Variants in ABCA4 observed in about 807,000 individuals in gnomAD.
The protein encoded by ABCA4 is ATP binding cassette subfamily A member 4.
A neutral mutation model predicts 263.7 loss-of-function variants in ABCA4; 196 were observed. The observed-to-expected ratio is 0.74, with a 90% CI of 0.66 to 0.84. The LOEUF (loss-of-function observed/expected upper bound fraction) is 0.84. ABCA4 is among the 40% of genes least tolerant of loss of function. The pLI is 0.00. For synonymous variants in ABCA4, 1,133 were observed against 1,094.2 expected (o/e 1.04, Z -0.70); for missense variants, 2,792 against 2,855.1 (o/e 0.98, Z 0.50).
chr1:94,099,704 C>T (rs377340828), intron 5 of ABCA4, among the ~76,000 whole-genome samples: 1 of 152,188 alleles, frequency 6.6e-6, no homozygotes, highest in Non-Finnish European at 1.5e-5. Flanking sequence ...CTTTTTAGTA[C>T]AAATATGTCC....
At chr1:94,093,760 A>C (rs898361772) in intron 6 of ABCA4, among the ~76,000 whole-genome samples, 9 of 152,252 alleles carry the variant, frequency 5.9e-5, no homozygotes, top group African/African-American at 1.9e-4. Context: ...CTCAATGTGC[A>C]CGAAGGGGCC....
intron 30 of ABCA4, among the ~76,000 whole-genome samples, chr1:94,027,859 G>GGAAGGCAGCTCCTGCCTT (rs1660083512): frequency 6.6e-6 from 1 of 152,202 alleles, no homozygotes; most frequent in Non-Finnish European, 1.5e-5. Context: ...TCCGCTGCCT[G>GGAAGGCAGCTCCTGCCTT]GAAGGCAGCT....
chr1:94,084,015 A>G (rs937508004), intron 6 of ABCA4, among the ~76,000 whole-genome samples: 1 of 152,218 alleles, frequency 6.6e-6, no homozygotes, highest in Non-Finnish European at 1.5e-5. Flanking sequence ...AGATTCTCCA[A>G]TTGCCAGCAG....
At chr1:94,038,225 A>G (rs1466716294) in intron 24 of ABCA4, among the ~76,000 whole-genome samples, 2 of 152,200 alleles carry the variant, frequency 1.3e-5, no homozygotes, top group African/African-American at 2.4e-5. Flanking sequence ...TCAGGTATCA[A>G]CTGTTTATCT....
At chr1:94,083,853 C>G (rs988980792) in intron 6 of ABCA4, among the ~76,000 whole-genome samples, 5 of 152,206 alleles carry the variant, frequency 3.3e-5, no homozygotes, top group African/African-American at 1.2e-4. Context: ...GCAGTCTTCT[C>G]GTCATTGTTT....
At position 94,056,692 on chromosome 1, in the gene ABCA4, C is replaced by T. The variant is rs61749428; in HGVS notation, c.2291G>A (p.Cys764Tyr). Residue 764 changes from cysteine (C) to tyrosine (Y), a missense_variant, in exon 15 of 50, where the codon TGT becomes TAT. Physicochemically the swap from Cys to Tyr is radical, Grantham distance 194. Transcript: ENST00000370225. ...GAGGGTGAAATAGATGACACCACTA[C>T]AGGCTGCTGCCAGACTGGCCTTGGA... ...FFSKASLAAA[C>Y]SGVIYFTLYL... 1.9e-6 allele frequency: 3 copies of T among 1,614,072 alleles called. No individual in the cohort carries two copies. The highest frequency in any genetic ancestry group is 2.5e-6 in the Non-Finnish European group (3 of 1,180,060).
chr1:93,994,196 C>T (rs891320970), intron 49 of ABCA4, among the ~76,000 whole-genome samples: 1 of 152,160 alleles, frequency 6.6e-6, no homozygotes, highest in Admixed American at 6.5e-5. Context: ...TAATTATTAA[C>T]CTATTTAGGA....
chr1:94,109,188 A>T (rs548838295), intron 3 of ABCA4, among the ~76,000 whole-genome samples: 2 of 144,560 alleles, frequency 1.4e-5, no homozygotes, highest in African/African-American at 5.3e-5. Context: ...CATATAGGCT[A>T]ACTGACAAGG....
At position 94,011,339 on chromosome 1, in the gene ABCA4, A is replaced by C. The variant is rs749345027; in HGVS notation, c.5507T>G (p.Phe1836Cys). 9 of 1,613,998 alleles carry C rather than the reference A, an allele frequency of 5.6e-6. No individual in the cohort carries two copies. In the South Asian group the frequency reaches 8.8e-5, roughly 16 times the overall value. Residue 1836 changes from phenylalanine to cysteine, a missense_variant, in exon 39 of 50, where the codon TTC (phenylalanine) becomes TGC (cysteine). Transcript: ENST00000370225. ...GCCCCGGCCCAGGCAGAAGTGGGGG[A>C]AGACAATGAGCAGCTTCCTCAGCAC... ...NAVLRKLLIV[F>C]PHFCLGRGLI...
chr1:94,005,253 T>C, intron 44 of ABCA4, 188 bp downstream of exon 44: 1 of 696,068 alleles, frequency 1.4e-6, no homozygotes, highest in Non-Finnish European at 2.4e-6. Context: ...TTTTTGTCTG[T>C]CTTGTTCACT....
At chr1:94,104,928 TCCA>T (rs1662385735) in intron 4 of ABCA4, among the ~76,000 whole-genome samples, 1 of 151,932 alleles carries the variant, frequency 6.6e-6, no homozygotes, top group African/African-American at 2.4e-5. Context: ...ACACTCTCAC[TCCA>T]CCAACACCAT....
chr1:94,078,556 T>G, intron 10 of ABCA4, 34 bp downstream of exon 10: 13 of 561,674 alleles, frequency 2.3e-5, no homozygotes, highest in Middle Eastern at 3.4e-4. Context: ...CGCTTCCTCC[T>G]CCCCTCCCCT....
chr1:94,117,567 A>G (rs149819009), intron 1 of ABCA4, among the ~76,000 whole-genome samples: 120 of 152,246 alleles, frequency 7.9e-4, no homozygotes, highest in African/African-American at 2.8e-3. Context: ...CCTCCCTGAC[A>G]CAGCGCCAGG....
chr1:94,002,691 G>A (rs908639553), intron 44 of ABCA4, among the ~76,000 whole-genome samples: 2 of 152,108 alleles, frequency 1.3e-5, no homozygotes, highest in Admixed American at 6.5e-5. Flanking sequence ...AGGTGTGCAC[G>A]TGGCTCCTTC....
chr1:94,041,330 G>A lies in ABCA4; in HGVS notation c.3401C>T (p.Ala1134Val). ...DLLGDRIAII[A>V]QGRLYCSGTP... ...GCCTGAGCAGTAGAGCCTTCCCTGG[G>A]CAATGATGGCAATGCGGTCCCCAAG... Residue 1134 changes from alanine to valine, a missense_variant, in exon 23 of 50, where the codon GCC becomes GTC. Physicochemically the swap from Ala to Val is moderately conservative, Grantham distance 64. Coordinates refer to ENST00000370225, the MANE Select transcript of ABCA4 (RefSeq NM_000350.3). 6.2e-7 allele frequency: 1 copy of A among 1,614,146 alleles called. No homozygotes were observed. The highest frequency in any genetic ancestry group is 8.5e-7 in the Non-Finnish European group (1 of 1,180,018).
intron 17 of ABCA4, among the ~76,000 whole-genome samples, chr1:94,049,841 C>T (rs556871772): frequency 6.6e-6 from 1 of 152,218 alleles, no homozygotes; most frequent in South Asian, 2.1e-4. Context: ...CACACACACA[C>T]ACACACACAA....
chr1:94,021,741 A>G lies in ABCA4; in HGVS notation c.4774-27T>C, dbSNP rs373662165. 8.4e-5 allele frequency: 136 copies of G among 1,611,122 alleles called. No homozygotes were observed. Among genetic ancestry groups the G allele is most frequent in the Non-Finnish European group, 1.1e-4 (133 of 1,177,506 alleles). On this transcript the variant is annotated intron_variant, in intron 33 of 49. Transcript: ENST00000370225. ...TAAAAACCATGTAAACAAACAAACA[A>G]GACGGTTTTAATTTTTTTTTCCTGT...
chr1:93,999,781 A>AC (rs918446283), intron 47 of ABCA4, among the ~76,000 whole-genome samples: 1 of 151,610 alleles, frequency 6.6e-6, no homozygotes. Context: ...CTCCCCTCTC[A>AC]CCCCCTCTAT....
At chr1:94,008,398 A>G (rs1312405251) in intron 41 of ABCA4, 101 bp from the exon 42 acceptor site, 7 of 1,197,960 alleles carry the variant, frequency 5.8e-6, no homozygotes, top group East Asian at 4.7e-5. Context: ...GAAAACTACC[A>G]GCACTAGGAG....
Sources: allele counts gnomAD v4.1 joint callset (sites outside exome capture counted in the v4.1 genomes callset), GRCh38; gene constraint gnomAD v4.1.1; transcripts MANE v1.5; gene names NCBI Gene and HGNC (gene_info 2026-07-23, HGNC 2026-07-21).